Variants in EYS observed in about 807,000 individuals in gnomAD.
The protein encoded by EYS is protein eyes shut homolog.
In EYS, 250 loss-of-function variants were observed where a neutral mutation model predicts 282.1. That is an observed-to-expected ratio of 0.89 (90% CI 0.80 to 0.98). The LOEUF is 0.98. Ranked by LOEUF, EYS falls within the 50% of genes least tolerant of loss-of-function variation. EYS has a pLI of 0.00. For synonymous variants in EYS, 1,355 were observed against 1,282.9 expected (o/e 1.06, Z -1.20); for missense variants, 4,016 against 3,709.0 (o/e 1.08, Z -2.15).
chr6:64,519,331 G>A (rs923528699), intron 26 of EYS, among the ~76,000 whole-genome samples: 1 of 151,690 alleles, frequency 6.6e-6, no homozygotes, highest in Non-Finnish European at 1.5e-5. Flanking sequence ...AAAGGACAGG[G>A]GACTTTAGAT....
Position 64,590,317 on chromosome 6 carries a change from T to C in EYS, c.5550A>G (p.Glu1850=). 6.4e-7 allele frequency: 1 copy of C among 1,551,186 alleles called. No individual in the cohort carries two copies. Among genetic ancestry groups the C allele is most frequent in the Non-Finnish European group, 8.7e-7 (1 of 1,146,646 alleles). Residue 1850 remains glutamate (E), a synonymous_variant, in exon 26 of 43, where the codon GAA becomes GAG. Transcript: ENST00000503581. The part of the protein sequence containing the change: ...WELQPSVQYQ[E]FPTASRHLPF... ...GAAGATGCCGGCTTGCAGTGGGAAA[T>C]TCCTGATATTGCACACTAGGCTGAA...
intron 28 of EYS, among the ~76,000 whole-genome samples, chr6:64,392,383 C>A (rs1291339191): frequency 6.7e-6 from 1 of 150,060 alleles, no homozygotes; most frequent in African/African-American, 2.5e-5. Context: ...GGAAGTAAAG[C>A]TCTCCTCAGC....
At chr6:65,172,687 GT>G (rs1301595062) in intron 12 of EYS, among the ~76,000 whole-genome samples, 2 of 151,446 alleles carry the variant, frequency 1.3e-5, no homozygotes, top group East Asian at 3.9e-4. Flanking sequence ...TTTGTATTTT[GT>G]TAACAGTTTC....
At chr6:65,550,153 T>TCATGGCATCTCACACTTGTTATC (rs1768560686) in intron 2 of EYS, among the ~76,000 whole-genome samples, 1 of 8,222 alleles carries the variant, frequency 1.2e-4, no homozygotes, top group Non-Finnish European at 1.6e-4. Context: ...CTTTTTTTTT[T>TCATGGCATCTCACACTTGTTATC]TTTTTTTTTT....
At chr6:64,938,965 C>A (rs1769002617) in intron 15 of EYS, among the ~76,000 whole-genome samples, 1 of 151,456 alleles carries the variant, frequency 6.6e-6, no homozygotes, top group Non-Finnish European at 1.5e-5. Flanking sequence ...GAATTGTACA[C>A]CTAAAAAGGT....
At chr6:65,391,745 C>A (rs1284729051) in intron 7 of EYS, among the ~76,000 whole-genome samples, 1 of 152,058 alleles carries the variant, frequency 6.6e-6, no homozygotes, top group Non-Finnish European at 1.5e-5. Context: ...GCCATACTGC[C>A]CAAGGTAATT....
intron 11 of EYS, among the ~76,000 whole-genome samples, chr6:65,316,932 A>G (rs1304069166): frequency 1.3e-5 from 2 of 152,190 alleles, no homozygotes; most frequent in Non-Finnish European, 2.9e-5. Flanking sequence ...CAGTGCTGCA[A>G]TAAACATACA....
chr6:63,964,422 A>C (rs1387073929), intron 35 of EYS, among the ~76,000 whole-genome samples: 1 of 152,242 alleles, frequency 6.6e-6, no homozygotes, highest in Non-Finnish European at 1.5e-5. Flanking sequence ...TTCTTCTGAA[A>C]TCACTTGCTG....
chr6:64,561,641 C>A (rs1028994066), intron 26 of EYS, among the ~76,000 whole-genome samples: 2 of 151,826 alleles, frequency 1.3e-5, no homozygotes, highest in Non-Finnish European at 2.9e-5. Flanking sequence ...TCTCTGTTTA[C>A]AATGAGAATT....
At chr6:65,182,601 T>A (rs1044731748) in intron 12 of EYS, among the ~76,000 whole-genome samples, 29 of 151,888 alleles carry the variant, frequency 1.9e-4, no homozygotes. Flanking sequence ...AAACACACAC[T>A]CAATCATAAT....
At chr6:64,902,355 C>T (rs1442645107) in intron 17 of EYS, 49 bp downstream of exon 17, 1 of 1,344,744 alleles carries the variant, frequency 7.4e-7, no homozygotes, top group Admixed American at 2.3e-5. Context: ...TACCTGTATA[C>T]ATCTAGACAC....
intron 22 of EYS, among the ~76,000 whole-genome samples, chr6:64,781,438 G>C (rs1773856286): frequency 1.3e-5 from 2 of 151,846 alleles, no homozygotes; most frequent in Admixed American, 1.3e-4. Context: ...TTATGGCCGG[G>C]CGGTGGCTCA....
At chr6:64,729,797 C>T in intron 22 of EYS, among the ~76,000 whole-genome samples, 1 of 151,638 alleles carries the variant, frequency 6.6e-6, no homozygotes. Flanking sequence ...GACTGATACA[C>T]CAAGGAATAA....
intron 12 of EYS, among the ~76,000 whole-genome samples, chr6:65,195,675 C>T (rs1461006518): frequency 6.6e-6 from 1 of 151,892 alleles, no homozygotes; most frequent in Admixed American, 6.6e-5. Flanking sequence ...TGAGAGCAAC[C>T]AAGCAATTTT....
chr6:65,204,985 A>G lies in EYS; in HGVS notation c.2023+90878T>C, dbSNP rs28842309. Among the ~76,000 whole-genome samples, 3 of 96,224 alleles carry G rather than the reference A, an allele frequency of 3.1e-5. 1 individual carries two copies. The highest frequency in any genetic ancestry group is 1.3e-4 in the African/African-American group (3 of 22,710). 63.1% of individuals were successfully genotyped at this position (96,224 alleles called of 152,430 possible). A position where few individuals can be genotyped will look rare whatever the true frequency, so the allele number is the denominator to read the frequency against. Reference sequence around the variant, plus strand: ...ATATATTTATATATTCTAGAAGAATATATTTATATATTCTAGAAGAATATA... The same window carrying G: ...ATATATTTATATATTCTAGAAGAATGTATTTATATATTCTAGAAGAATATA... On this transcript the variant is annotated intron_variant, in intron 12 of 42. Transcript: ENST00000503581.
chr6:64,714,587 G>T (rs1433434988), intron 22 of EYS, among the ~76,000 whole-genome samples: 1 of 144,034 alleles, frequency 6.9e-6, no homozygotes, highest in Admixed American at 7.1e-5. Flanking sequence ...GTGCAGTGGC[G>T]CAATCTCGGC....
intron 14 of EYS, among the ~76,000 whole-genome samples, chr6:64,986,204 A>G (rs1770853741): frequency 6.6e-6 from 1 of 151,590 alleles, no homozygotes; most frequent in African/African-American, 2.4e-5. Context: ...AATATAGAAA[A>G]AAAGAAAAAC....
intron 13 of EYS, among the ~76,000 whole-genome samples, chr6:65,019,719 G>A (rs1327455969): frequency 6.6e-6 from 1 of 152,094 alleles, no homozygotes; most frequent in African/African-American, 2.4e-5. Context: ...TCTAACTCCA[G>A]GTAGGCACCC....
intron 15 of EYS, among the ~76,000 whole-genome samples, chr6:64,920,128 TTTTACCACTTGGATGATCAGAA>T (rs1583294543): frequency 6.6e-6 from 1 of 152,132 alleles, no homozygotes; most frequent in East Asian, 1.9e-4. Context: ...GAATGGGGTA[TTTTACCACTTGGATGATCAGAA>T]TTTAGATTTT....
Sources: gnomAD v4.1 joint callset for allele counts (sites outside exome capture counted in the v4.1 genomes callset) on GRCh38, gnomAD v4.1.1 for gene constraint, MANE v1.5 for transcripts, NCBI Gene and HGNC (gene_info 2026-07-23, HGNC 2026-07-21) for gene names.